Variants in CHCHD3 observed in about 807,000 individuals in gnomAD.
CHCHD3 encodes the protein coiled-coil-helix-coiled-coil-helix domain containing 3, also known as MICOS complex subunit MIC19.
Under a neutral mutation model 38.2 loss-of-function variants are expected in CHCHD3, and 20 were observed. The ratio of observed to expected loss-of-function variants is 0.52; its 90% CI spans 0.37 to 0.76. The LOEUF is 0.76. Among genes scored for constraint, CHCHD3 ranks in the 30% least tolerant of loss-of-function variants. The probability of loss-of-function intolerance (pLI) is 0.00; values close to 1 mark genes in which losing one functional copy is unlikely to be tolerated. For synonymous variants in CHCHD3, 82 were observed against 100.0 expected (o/e 0.82, Z 1.07); for missense variants, 245 against 279.2 (o/e 0.88, Z 0.87).
In CHCHD3 at chr7:132,800,370, T is replaced by A. The variant is rs535829986; in HGVS notation, c.525-3793A>T. Reference sequence around the variant, plus strand: ...GTATTCAGAAGTCCCCTCTTAAGACTCTATAACACAGTTACACTCGGTTAT... The same window carrying A: ...GTATTCAGAAGTCCCCTCTTAAGACACTATAACACAGTTACACTCGGTTAT... On this transcript the variant is annotated intron_variant, in intron 6 of 7. Coordinates refer to ENST00000262570, the MANE Select transcript of CHCHD3 (RefSeq NM_017812.4). Among the ~76,000 whole-genome samples the A allele has an allele frequency of 3.9e-5, 6 of 152,284 alleles. No individual in the cohort carries two copies. In the South Asian group the frequency reaches 6.2e-4, roughly 16 times the overall value.
intron 4 of CHCHD3, chr7:132,973,469 T>C: frequency 1.0e-6 from 1 of 985,518 alleles, no homozygotes; most frequent in Non-Finnish European, 1.2e-6. Flanking sequence ...ACTCAAAACT[T>C]ACTGTCTTTA....
intron 3 of CHCHD3, among the ~76,000 whole-genome samples, chr7:133,016,871 G>A (rs551606118): frequency 6.8e-4 from 104 of 152,332 alleles, no homozygotes; most frequent in Middle Eastern, 3.4e-3. Flanking sequence ...GCTAGGTCCA[G>A]CCTATGTGGA....
At chr7:133,003,799 A>T (rs939746692) in intron 3 of CHCHD3, among the ~76,000 whole-genome samples, 1 of 152,154 alleles carries the variant, frequency 6.6e-6, no homozygotes, top group Non-Finnish European at 1.5e-5. Flanking sequence ...ATAAAAATAC[A>T]CGGAGGATAA....
intron 3 of CHCHD3, among the ~76,000 whole-genome samples, chr7:133,003,525 T>C (rs1812625077): frequency 1.3e-5 from 2 of 152,248 alleles, no homozygotes; most frequent in South Asian, 2.1e-4. Context: ...AAAAGTGTGA[T>C]AGCTGAGATG....
intron 3 of CHCHD3, among the ~76,000 whole-genome samples, chr7:133,000,980 G>A (rs1413678343): frequency 6.6e-6 from 1 of 152,098 alleles, no homozygotes. Flanking sequence ...CAATACAGAG[G>A]TACATGTTAC....
intron 3 of CHCHD3, among the ~76,000 whole-genome samples, chr7:133,015,211 C>T (rs1468274787): frequency 2.0e-5 from 3 of 151,906 alleles, no homozygotes; most frequent in Admixed American, 1.3e-4. Flanking sequence ...GGTGTGGTGG[C>T]GCACACCTGT....
intron 3 of CHCHD3, among the ~76,000 whole-genome samples, chr7:133,021,205 T>C (rs1315957164): frequency 6.6e-6 from 1 of 152,214 alleles, no homozygotes; most frequent in Admixed American, 6.5e-5. Flanking sequence ...TTTTCAAAAA[T>C]TCAAAATTAG....
At chr7:132,964,223 TC>T (rs1554394949) in intron 4 of CHCHD3, among the ~76,000 whole-genome samples, 3 of 152,130 alleles carry the variant, frequency 2.0e-5, no homozygotes, top group Non-Finnish European at 4.4e-5. Context: ...TCTTTATTAT[TC>T]AAAGTGACAA....
At chr7:132,796,060 C>A (rs1284957235) in intron 7 of CHCHD3, among the ~76,000 whole-genome samples, 2 of 151,956 alleles carry the variant, frequency 1.3e-5, no homozygotes, top group Non-Finnish European at 2.9e-5. Flanking sequence ...TGCCTACCTA[C>A]GGCTTATGGG....
chr7:132,818,611 T>C (rs1807266221), intron 6 of CHCHD3, among the ~76,000 whole-genome samples: 1 of 152,194 alleles, frequency 6.6e-6, no homozygotes, highest in Non-Finnish European at 1.5e-5. Flanking sequence ...TTACCTGACT[T>C]GAAGATGCTG....
chr7:132,910,167 T>C (rs1225484887), intron 4 of CHCHD3, among the ~76,000 whole-genome samples: 4 of 152,264 alleles, frequency 2.6e-5, no homozygotes, highest in South Asian at 4.2e-4. Flanking sequence ...GATTTGGATA[T>C]ATTAAGGGCG....
intron 3 of CHCHD3, chr7:133,022,641 T>C: frequency 2.6e-6 from 1 of 387,186 alleles, no homozygotes; most frequent in South Asian, 2.0e-5. Flanking sequence ...AAAGAAAAAA[T>C]AATACAAAGG....
chr7:133,080,675 T>C (rs969213720), intron 1 of CHCHD3, among the ~76,000 whole-genome samples: 3 of 152,192 alleles, frequency 2.0e-5, no homozygotes, highest in Admixed American at 6.5e-5. Flanking sequence ...CAAAATGTAG[T>C]ACTACCATTA....
rs565034520 is a variant in CHCHD3 at position 132,900,829 on chromosome 7, A to G, written c.370-15084T>C. Reference sequence around the variant, plus strand: ...AATATGGTGAAACCCCGTCTCTACTAAAAAAACAAAAATTAGCTGGGTGTG... The same window carrying G: ...AATATGGTGAAACCCCGTCTCTACTGAAAAAACAAAAATTAGCTGGGTGTG... On this transcript the variant is annotated intron_variant, in intron 4 of 7. Coordinates refer to ENST00000262570, the MANE Select transcript of CHCHD3 (RefSeq NM_017812.4). Among the ~76,000 whole-genome samples, 554 of 152,148 alleles carry G rather than the reference A, an allele frequency of 3.6e-3. 4 individuals are homozygous for G. The highest frequency in any genetic ancestry group is 0.011 in the South Asian group (51 of 4,818).
intron 3 of CHCHD3, among the ~76,000 whole-genome samples, chr7:133,008,900 TA>T (rs905993528): frequency 1.3e-5 from 2 of 149,740 alleles, no homozygotes; most frequent in African/African-American, 4.9e-5. Context: ...AAAAGCTGTC[TA>T]AAGCTGACTC....
At chr7:132,835,347 A>C (rs1360328669) in intron 6 of CHCHD3, among the ~76,000 whole-genome samples, 1 of 152,198 alleles carries the variant, frequency 6.6e-6, no homozygotes, top group Non-Finnish European at 1.5e-5. Context: ...CTTGGTCCAA[A>C]ATCCAGACCT....
intron 5 of CHCHD3, among the ~76,000 whole-genome samples, chr7:132,873,763 A>T (rs1172488683): frequency 6.6e-6 from 1 of 152,154 alleles, no homozygotes; most frequent in Non-Finnish European, 1.5e-5. Flanking sequence ...TGATATCATC[A>T]TCATCATCAT....
chr7:132,801,361 TTAA>T (rs1367846034), intron 6 of CHCHD3, among the ~76,000 whole-genome samples: 1 of 152,232 alleles, frequency 6.6e-6, no homozygotes, highest in Non-Finnish European at 1.5e-5. Flanking sequence ...AACCATTTTA[TTAA>T]TGACATTTCC....
chr7:133,036,066 T>C, intron 2 of CHCHD3: 1 of 707,740 alleles, frequency 1.4e-6, no homozygotes, highest in South Asian at 1.6e-5. Flanking sequence ...GATGATTTCA[T>C]AAAATAATTC....
Sources: allele counts gnomAD v4.1 joint callset (sites outside exome capture counted in the v4.1 genomes callset), GRCh38; gene constraint gnomAD v4.1.1; transcripts MANE v1.5; gene names NCBI Gene and HGNC (gene_info 2026-07-23, HGNC 2026-07-21).